Variants in DYNLRB1 observed in about 807,000 individuals in gnomAD.
DYNLRB1 encodes the protein dynein light chain roadblock-type 1, also known as ROBL/LC7-like 1.
In DYNLRB1, 6 loss-of-function variants were observed where a neutral mutation model predicts 13.5. That is an observed-to-expected ratio of 0.44 (90% CI 0.24 to 0.88). The LOEUF is 0.88. Ranked by LOEUF, DYNLRB1 falls within the 40% of genes least tolerant of loss-of-function variation. The probability of loss-of-function intolerance (pLI) is 0.21; values close to 1 mark genes in which losing one functional copy is unlikely to be tolerated. For synonymous variants in DYNLRB1, 43 were observed against 45.0 expected (o/e 0.96, Z 0.18); for missense variants, 93 against 127.2 (o/e 0.73, Z 1.29).
chr20:34,527,889 G>C (rs1465627033), intron 2 of DYNLRB1, among the ~76,000 whole-genome samples: 2 of 152,182 alleles, frequency 1.3e-5, no homozygotes, highest in Non-Finnish European at 2.9e-5. Context: ...GTGCTACCCT[G>C]GGAGTAGAGG....
chr20:34,516,568 T>C, intron 1 of DYNLRB1, 107 bp downstream of exon 1: 3 of 1,562,036 alleles, frequency 1.9e-6, no homozygotes, highest in Non-Finnish European at 2.6e-6. Flanking sequence ...AGGGAATCGG[T>C]GGTGGCTGGG....
chr20:34,524,593 G>T (rs1049724152), intron 1 of DYNLRB1, among the ~76,000 whole-genome samples: 2 of 152,126 alleles, frequency 1.3e-5, no homozygotes, highest in Non-Finnish European at 2.9e-5. Flanking sequence ...TACAGTAGGA[G>T]CTCAGTGAGT....
At chr20:34,536,521 C>T (rs564301668) in intron 3 of DYNLRB1, 9 of 973,932 alleles carry the variant, frequency 9.2e-6, no homozygotes, top group Admixed American at 6.2e-5. Flanking sequence ...CCAAGGCAGG[C>T]GGATCACAAG....
At chr20:34,532,297 C>T (rs150470419) in intron 2 of DYNLRB1, among the ~76,000 whole-genome samples, 139 of 152,346 alleles carry the variant, frequency 9.1e-4, no homozygotes, top group African/African-American at 3.1e-3. Context: ...TATTATTTAA[C>T]AGATAAGGCA....
At chr20:34,538,702 C>A (rs566888927) in intron 3 of DYNLRB1, among the ~76,000 whole-genome samples, 4 of 152,288 alleles carry the variant, frequency 2.6e-5, no homozygotes, top group African/African-American at 9.6e-5. Flanking sequence ...AGCCATGAAA[C>A]TGTTAGTCAC....
upstream of DYNLRB1, chr20:34,516,418 C>T (rs780387294): frequency 4.3e-6 from 7 of 1,611,948 alleles, no homozygotes; most frequent in African/African-American, 2.7e-5. Flanking sequence ...GCACAGGACT[C>T]GCTAAGTGTT....
At chr20:34,528,336 A>AC (rs1251294263) in intron 2 of DYNLRB1, among the ~76,000 whole-genome samples, 1,886 of 145,006 alleles carry the variant, frequency 0.013, 490 homozygotes, top group Non-Finnish European at 0.024. Flanking sequence ...AAAAAAAAAA[A>AC]AAAAAAAACT....
At chr20:34,539,355 G>A (rs1359949067) in intron 3 of DYNLRB1, among the ~76,000 whole-genome samples, 1 of 152,120 alleles carries the variant, frequency 6.6e-6, no homozygotes, top group East Asian at 1.9e-4. Flanking sequence ...GAAGGTTCTG[G>A]AAAGCCAACA....
At chr20:34,523,274 C>T (rs945042131) in intron 1 of DYNLRB1, among the ~76,000 whole-genome samples, 3 of 152,158 alleles carry the variant, frequency 2.0e-5, no homozygotes, top group East Asian at 1.9e-4. Flanking sequence ...AGGCTGTGTT[C>T]GCCCCCTGCT....
chr20:34,540,617 C>A lies in DYNLRB1; in HGVS notation c.284C>A (p.Thr95Asn). The stretch of plus-strand genomic sequence containing the variant: ...TTCCTGATTGTGATTCAGAATCCAA[C>A]CGAATAAGCCACTCTCTTGGCTCCC... ...DYFLIVIQNP[T>N]E is the part of the protein sequence containing the mutation. The change falls in exon 4 of 4, where the codon ACC (threonine) becomes AAC (asparagine). Residue 95 changes from threonine (T) to asparagine (N), a missense_variant. Thr to Asn is a moderately conservative substitution (Grantham distance 65). Coordinates refer to ENST00000357156, the MANE Select transcript of DYNLRB1 (RefSeq NM_014183.4). The A allele has an allele frequency of 6.2e-7, 1 of 1,613,900 alleles. No homozygotes were observed. Among genetic ancestry groups the A allele is most frequent in the Non-Finnish European group, 8.5e-7 (1 of 1,179,928 alleles).
intron 1 of DYNLRB1, among the ~76,000 whole-genome samples, chr20:34,524,019 G>A (rs1005721901): frequency 2.0e-5 from 3 of 152,128 alleles, no homozygotes; most frequent in African/African-American, 4.8e-5. Context: ...TGTCATCCAA[G>A]TTATTCTTAC....
chr20:34,522,469 CTTTTTTTTTT>C (rs771811577), intron 1 of DYNLRB1, among the ~76,000 whole-genome samples: 15 of 77,212 alleles, frequency 1.9e-4, no homozygotes, highest in African/African-American at 6.5e-4. Context: ...TTTTCTTTTT[CTTTTTTTTTT>C]TTTTTTTTTT....
chr20:34,537,714 A>G (rs1485470166), intron 3 of DYNLRB1, among the ~76,000 whole-genome samples: 1 of 152,170 alleles, frequency 6.6e-6, no homozygotes, highest in Non-Finnish European at 1.5e-5. Context: ...AGAACACAGG[A>G]CCCAGGGGTG....
intron 1 of DYNLRB1, among the ~76,000 whole-genome samples, chr20:34,518,739 C>T (rs1180102156): frequency 6.6e-6 from 1 of 152,032 alleles, no homozygotes; most frequent in Non-Finnish European, 1.5e-5. Flanking sequence ...CAGGCGTGAG[C>T]CACCACACCC....
Position 34,540,809 on chromosome 20 carries a change from C to G in DYNLRB1, c.*185C>G. 1 of 567,282 alleles carries G rather than the reference C, an allele frequency of 1.8e-6. No homozygotes were observed. Among genetic ancestry groups the G allele is most frequent in the South Asian group, 2.5e-5 (1 of 39,616 alleles). 35.1% of individuals were successfully genotyped at this position (567,282 alleles called of 1,614,324 possible). On this transcript the variant is annotated 3_prime_UTR_variant, in exon 4 of 4. Transcript: ENST00000357156. Reference sequence around the variant, plus strand: ...GAACCCCTGTGTGCACCAACCTTCCCCAGAGCTCCGGAGCGCCCTCTCCTC... The same window carrying G: ...GAACCCCTGTGTGCACCAACCTTCCGCAGAGCTCCGGAGCGCCCTCTCCTC...
chr20:34,526,463 A>C, intron 2 of DYNLRB1, 120 bp downstream of exon 2: 1 of 652,350 alleles, frequency 1.5e-6, no homozygotes, highest in Non-Finnish European at 2.3e-6. Flanking sequence ...AGGCCTTTTT[A>C]ATTTTTAACA....
rs1980252045 is a variant in DYNLRB1 at position 34,526,681 on chromosome 20, C to G, written c.79+338C>G. The stretch of plus-strand genomic sequence containing the variant: ...ACAGATCACACTTCAGTCTTCCATG[C>G]TTACTCAGCCTCGTCCAGCACAGTT... On this transcript the variant is annotated intron_variant, in intron 2 of 3. Transcript: ENST00000357156. 1.6e-5 allele frequency: 5 copies of G among 305,130 alleles called. 1 individual carries two copies. In the South Asian group the frequency reaches 2.4e-4, roughly 15 times the overall value. 18.9% of individuals were successfully genotyped at this position (305,130 alleles called of 1,614,324 possible). A position where few individuals can be genotyped will look rare whatever the true frequency, so the allele number is the denominator to read the frequency against.
chr20:34,530,157 C>A, intron 2 of DYNLRB1: 1 of 1,204,608 alleles, frequency 8.3e-7, no homozygotes, highest in Non-Finnish European at 1.0e-6. Context: ...AGGAGAGGCC[C>A]TCATTCTTGC....
rs146543326 is a variant in DYNLRB1, at chr20:34,519,202, G to A, written c.3+2741G>A. On this transcript the variant is annotated intron_variant, in intron 1 of 3. Coordinates refer to ENST00000357156, the MANE Select transcript of DYNLRB1 (RefSeq NM_014183.4). Reference sequence around the variant, plus strand: ...CTCCAAAAATGCTGGGATTATGGGCGTAAACCACCATGTATGTTAACAATT... The same window carrying A: ...CTCCAAAAATGCTGGGATTATGGGCATAAACCACCATGTATGTTAACAATT... 7.9e-3 allele frequency among the ~76,000 whole-genome samples: 1,196 copies of A among 152,184 alleles called. 15 individuals are homozygous for A. Among genetic ancestry groups the A allele is most frequent in the African/African-American group, 0.027 (1,138 of 41,496 alleles).
Sources: allele counts gnomAD v4.1 joint callset (sites outside exome capture counted in the v4.1 genomes callset), GRCh38; gene constraint gnomAD v4.1.1; transcripts MANE v1.5; gene names NCBI Gene and HGNC (gene_info 2026-07-23, HGNC 2026-07-21).